The following MRS2 variants were observed in gnomAD, a reference collection of about 807,000 sequenced individuals.
MRS2 encodes the protein magnesium transporter MRS2, also known as magnesium transporter MRS2 homolog, mitochondrial.
In MRS2, 40 loss-of-function variants were observed where a neutral mutation model predicts 52.6. That is an observed-to-expected ratio of 0.76 (90% CI 0.59 to 0.99). The LOEUF (loss-of-function observed/expected upper bound fraction) is 0.99, where lower values mean the gene tolerates loss of function less well. Among genes scored for constraint, MRS2 ranks in the 50% least tolerant of loss-of-function variants. MRS2 has a pLI of 0.00. For missense variants in MRS2, 472 were observed against 532.7 expected (o/e 0.89, Z 1.12); for synonymous variants, 193 against 195.9 (o/e 0.98, Z 0.13).
chr6:24,414,472 G>A (rs1435962710), intron 5 of MRS2, among the ~76,000 whole-genome samples: 1 of 151,906 alleles, frequency 6.6e-6, no homozygotes, highest in African/African-American at 2.4e-5. Context: ...TGGGGGTAAG[G>A]TTATAGATTA....
intron 7 of MRS2, 61 bp from the exon 8 acceptor site, chr6:24,418,023 G>A: frequency 1.4e-6 from 2 of 1,414,426 alleles, no homozygotes; most frequent in African/African-American, 2.9e-5. Flanking sequence ...GGAAGTTTTT[G>A]TCACTAAGTA....
At chr6:24,406,971 A>T (rs956645727) in intron 2 of MRS2, among the ~76,000 whole-genome samples, 4 of 152,212 alleles carry the variant, frequency 2.6e-5, no homozygotes, top group Non-Finnish European at 5.9e-5. Context: ...TGTATGATTT[A>T]AAAAATTTTT....
At chr6:24,409,822 C>T (rs1177210544) in intron 4 of MRS2, among the ~76,000 whole-genome samples, 4 of 152,202 alleles carry the variant, frequency 2.6e-5, no homozygotes, top group Non-Finnish European at 4.4e-5. Context: ...GGTGTTCATT[C>T]TCACTGTTGG....
chr6:24,405,901 T>G (rs755447165), intron 2 of MRS2, among the ~76,000 whole-genome samples: 5 of 150,956 alleles, frequency 3.3e-5, no homozygotes, highest in Non-Finnish European at 7.4e-5. Context: ...GTCAGGAGAT[T>G]GAGACCATCC....
chr6:24,410,817 T>C (rs1323354513), intron 4 of MRS2: 14 of 1,266,814 alleles, frequency 1.1e-5, no homozygotes, highest in Non-Finnish European at 1.3e-5. Flanking sequence ...AAAAAGCAAA[T>C]TCAGCAGAAT....
At chr6:24,405,364 G>A (rs78166735) in intron 2 of MRS2, 123 bp downstream of exon 2, 3 of 693,740 alleles carry the variant, frequency 4.3e-6, no homozygotes, top group Middle Eastern at 2.5e-4. Context: ...GCTACATGTC[G>A]TGGCTGTTGT....
At chr6:24,404,672 T>G (rs1296598483) in intron 1 of MRS2, among the ~76,000 whole-genome samples, 1 of 152,238 alleles carries the variant, frequency 6.6e-6, no homozygotes, top group African/African-American at 2.4e-5. Context: ...CTATAAAGGA[T>G]ATCTGTAGAA....
rs562464335 is a variant in MRS2 at position 24,417,427 on chromosome 6, A to C, written c.837-657A>C. Among the ~76,000 whole-genome samples the C allele has an allele frequency of 5.3e-5, 8 of 152,354 alleles. No individual in the cohort carries two copies. In the South Asian group the frequency reaches 1.5e-3, roughly 28 times the overall value. ...CATTTTTAGTTGTGGATTTTGTTTT[A>C]CCTGATAGTGGTATTGGCTTTGCAC... is the stretch of plus-strand genomic sequence containing the variant. On this transcript the variant is annotated intron_variant, in intron 7 of 10. Coordinates refer to ENST00000378386, the MANE Select transcript of MRS2 (RefSeq NM_020662.4).
In MRS2 at chr6:24,410,644, G is replaced by A. The variant is rs1761617957; in HGVS notation, c.414+1071G>A. On this transcript the variant is annotated intron_variant, in intron 4 of 10. Transcript: ENST00000378386. ...GTGACCAGCCTAAGCAACATAGCAA[G>A]ATCCCATCTCTAAAAATAAATAAGT... 15 of 1,090,538 alleles carry A rather than the reference G, an allele frequency of 1.4e-5. No homozygotes were observed. In the South Asian group the frequency reaches 2.1e-4, roughly 15 times the overall value. The allele number at this position is 1,090,538 out of a possible 1,614,324, so 67.6% of individuals were successfully genotyped here. A position where few individuals can be genotyped will look rare whatever the true frequency, so the allele number is the denominator to read the frequency against.
At chr6:24,420,483 G>A (rs992076102) in intron 9 of MRS2, among the ~76,000 whole-genome samples, 1 of 152,092 alleles carries the variant, frequency 6.6e-6, no homozygotes, top group Non-Finnish European at 1.5e-5. Context: ...TCACAAATAC[G>A]TTTTTTTATT....
rs1410901757 is a variant in MRS2, at chr6:24,416,475, A to G, written c.798A>G (p.Glu266=). ...TCTTGGATGAGGAAGAGTTGCTAGAAGAGCTCTGTGTATCAAAATGGAGTG... is the reference window on the plus strand; with the variant it reads ...TCTTGGATGAGGAAGAGTTGCTAGAGGAGCTCTGTGTATCAAAATGGAGTG... The part of the protein sequence containing the change: ...LEILDEEELL[E]ELCVSKWSDP... The change falls in exon 7 of 11, where the codon GAA becomes GAG. Residue 266 remains glutamate, a synonymous_variant. Coordinates refer to ENST00000378386, the MANE Select transcript of MRS2 (RefSeq NM_020662.4). 6.2e-7 allele frequency: 1 copy of G among 1,603,008 alleles called. No homozygotes were observed. Among genetic ancestry groups the G allele is most frequent in the Non-Finnish European group, 8.5e-7 (1 of 1,171,212 alleles).
At chr6:24,414,238 G>A (rs1378166386) in intron 5 of MRS2, among the ~76,000 whole-genome samples, 2 of 152,024 alleles carry the variant, frequency 1.3e-5, no homozygotes, top group Non-Finnish European at 2.9e-5. Flanking sequence ...GTGGAGGGAA[G>A]GTCAGCAGAT....
chr6:24,423,337 T>C, intron 10 of MRS2: 1 of 480,470 alleles, frequency 2.1e-6, no homozygotes, highest in Admixed American at 3.6e-5. Context: ...TAAACAGATG[T>C]TAGTAATTCT....
chr6:24,405,036 C>T (rs949736903), intron 1 of MRS2, 132 bp from the exon 2 acceptor site: 5 of 591,786 alleles, frequency 8.4e-6, no homozygotes, highest in Non-Finnish European at 1.5e-5. Flanking sequence ...AGTATTTCTT[C>T]TTTTCTTATA....
In MRS2 at chr6:24,419,384, A is replaced by G. The variant is rs755481228; in HGVS notation, c.1107+806A>G. ...CCTAGGTTACTTTGTTTCCCAAAAC[A>G]TATAATTACAGATGGGAAAGGTGTG... On this transcript the variant is annotated intron_variant, in intron 9 of 10. Transcript: ENST00000378386. The G allele has an allele frequency of 2.0e-5, 3 of 152,258 alleles. 1 individual carries two copies. Among genetic ancestry groups the G allele is most frequent in the African/African-American group, 7.2e-5 (3 of 41,448 alleles). 9.4% of individuals were successfully genotyped at this position (152,258 alleles called of 1,614,324 possible).
At chr6:24,405,774 C>CTTTT (rs11406924) in intron 2 of MRS2, among the ~76,000 whole-genome samples, 4 of 126,024 alleles carry the variant, frequency 3.2e-5, no homozygotes, top group African/African-American at 3.0e-5. Flanking sequence ...TCTTTGTAGG[C>CTTTT]TTTTTTTTTT....
intron 5 of MRS2, among the ~76,000 whole-genome samples, chr6:24,413,484 A>G (rs1417977067): frequency 6.6e-6 from 1 of 152,214 alleles, no homozygotes; most frequent in Non-Finnish European, 1.5e-5. Flanking sequence ...TAAGGGACCA[A>G]GACATACCAT....
intron 9 of MRS2, among the ~76,000 whole-genome samples, chr6:24,421,790 C>T (rs1379474714): frequency 6.6e-6 from 1 of 152,190 alleles, no homozygotes; most frequent in Non-Finnish European, 1.5e-5. Context: ...AATCTAAAGA[C>T]CCTACTCAGA....
Position 24,409,592 on chromosome 6 carries a change from A to G in MRS2, c.414+19A>G. 3 of 1,422,942 alleles carry G rather than the reference A, an allele frequency of 2.1e-6. No homozygotes were observed. Among genetic ancestry groups the G allele is most frequent in the Non-Finnish European group, 2.9e-6 (3 of 1,019,022 alleles). 88.1% of individuals were successfully genotyped at this position (1,422,942 alleles called of 1,614,324 possible). On this transcript the variant is annotated intron_variant, in intron 4 of 10. Coordinates refer to ENST00000378386, the MANE Select transcript of MRS2 (RefSeq NM_020662.4). ...AATGGAGGTAAAATATTTTATTTTCATCTATGTTTCTCCAATACAATCTTA... is the reference window on the plus strand; with the variant it reads ...AATGGAGGTAAAATATTTTATTTTCGTCTATGTTTCTCCAATACAATCTTA...
Sources: gnomAD v4.1 joint callset for allele counts (sites outside exome capture counted in the v4.1 genomes callset) on GRCh38, gnomAD v4.1.1 for gene constraint, MANE v1.5 for transcripts, NCBI Gene and HGNC (gene_info 2026-07-23, HGNC 2026-07-21) for gene names.